The following FUT9 variants were observed in gnomAD, a reference collection of about 807,000 sequenced individuals.
FUT9 encodes 4-galactosyl-N-acetylglucosaminide 3-alpha-L-fucosyltransferase 9.
A neutral mutation model predicts 29.7 loss-of-function variants in FUT9; 15 were observed. That is an observed-to-expected ratio of 0.51 (90% CI 0.34 to 0.78). The LOEUF (loss-of-function observed/expected upper bound fraction) is 0.78. Among genes scored for constraint, FUT9 ranks in the 30% least tolerant of loss-of-function variants. FUT9 has a pLI of 0.01. For missense variants in FUT9, 319 were observed against 425.4 expected (o/e 0.75, Z 2.20); for synonymous variants, 169 against 153.7 (o/e 1.10, Z -0.74).
At chr6:96,112,981 AT>A in intron 1 of FUT9, among the ~76,000 whole-genome samples, 1 of 152,310 alleles carries the variant, frequency 6.6e-6, no homozygotes, top group Non-Finnish European at 1.5e-5. Flanking sequence ...AAAATGACAG[AT>A]GTTTAGGCAA....
In FUT9 at chr6:96,212,531, A is replaced by G. The variant is rs751710257; in HGVS notation, c.*8296A>G. ...TATTTGAGAACAAGATTTTACTTAG[A>G]AGGGAAAAAAAAGAACTTTCAGCTT... On this transcript the variant is annotated 3_prime_UTR_variant, in exon 3 of 3. Transcript: ENST00000302103. The G allele has an allele frequency of 6.7e-5, 27 of 405,320 alleles. No individual in the cohort carries two copies. Among genetic ancestry groups the G allele is most frequent in the Non-Finnish European group, 1.2e-4 (27 of 221,202 alleles). 25.1% of individuals were successfully genotyped at this position (405,320 alleles called of 1,614,324 possible).
At chr6:96,189,365 A>AT (rs10593649) in intron 2 of FUT9, among the ~76,000 whole-genome samples, 4 of 151,390 alleles carry the variant, frequency 2.6e-5, no homozygotes, top group African/African-American at 7.3e-5. Flanking sequence ...GACTTTTAAC[A>AT]TTTTTTTTTT....
At chr6:96,029,883 A>C (rs969661580) in intron 1 of FUT9, among the ~76,000 whole-genome samples, 1 of 151,642 alleles carries the variant, frequency 6.6e-6, no homozygotes, top group African/African-American at 2.4e-5. Context: ...GAAGGTGAGA[A>C]GTGAAAGGAA....
intron 1 of FUT9, among the ~76,000 whole-genome samples, chr6:96,068,530 A>T (rs1423028753): frequency 6.6e-6 from 1 of 152,126 alleles, no homozygotes; most frequent in Non-Finnish European, 1.5e-5. Context: ...AATTAATTTG[A>T]TAATTGAGAC....
At chr6:96,025,097 T>G (rs1471299776) in intron 1 of FUT9, among the ~76,000 whole-genome samples, 1 of 151,856 alleles carries the variant, frequency 6.6e-6, no homozygotes. Context: ...AAAATTCTAA[T>G]GATTCACCTG....
chr6:96,153,215 T>C (rs147187609), intron 2 of FUT9, among the ~76,000 whole-genome samples: 32 of 152,144 alleles, frequency 2.1e-4, no homozygotes, highest in Non-Finnish European at 4.0e-4. Flanking sequence ...GAAATACATA[T>C]AAACAACTTT....
At chr6:96,085,188 C>G (rs1771295694) in intron 1 of FUT9, among the ~76,000 whole-genome samples, 1 of 152,148 alleles carries the variant, frequency 6.6e-6, no homozygotes, top group Non-Finnish European at 1.5e-5. Flanking sequence ...TGGCATAGCT[C>G]AAAGGATGTC....
At chr6:96,020,496 C>T (rs1051234926) in intron 1 of FUT9, among the ~76,000 whole-genome samples, 1 of 151,968 alleles carries the variant, frequency 6.6e-6, no homozygotes, top group South Asian at 2.1e-4. Flanking sequence ...GTTTCAAGCC[C>T]ACAGATGAAA....
chr6:96,052,125 G>A (rs1250044564), intron 1 of FUT9, among the ~76,000 whole-genome samples: 1 of 152,158 alleles, frequency 6.6e-6, no homozygotes, highest in East Asian at 1.9e-4. Context: ...CATGATGGAA[G>A]GAAGGAGAAG....
chr6:96,043,395 G>C (rs1423041477), intron 1 of FUT9, among the ~76,000 whole-genome samples: 2 of 152,180 alleles, frequency 1.3e-5, no homozygotes, highest in Non-Finnish European at 2.9e-5. Flanking sequence ...ATTATTTGAT[G>C]TCAAATGACA....
chr6:96,040,157 A>G (rs1770435884), intron 1 of FUT9, among the ~76,000 whole-genome samples: 1 of 152,184 alleles, frequency 6.6e-6, no homozygotes, highest in Non-Finnish European at 1.5e-5. Context: ...CAGTGATTAT[A>G]AGTGATTGTC....
At chr6:96,043,016 G>A (rs1770491520) in intron 1 of FUT9, among the ~76,000 whole-genome samples, 1 of 152,136 alleles carries the variant, frequency 6.6e-6, no homozygotes, top group South Asian at 2.1e-4. Flanking sequence ...TTTACCTGTG[G>A]TGAGTATTAC....
intron 2 of FUT9, among the ~76,000 whole-genome samples, chr6:96,157,372 T>C (rs1359599463): frequency 6.6e-6 from 1 of 152,208 alleles, no homozygotes; most frequent in African/African-American, 2.4e-5. Flanking sequence ...AGATTCTCTG[T>C]CTTTTCATAA....
intron 1 of FUT9, among the ~76,000 whole-genome samples, chr6:96,042,890 G>A (rs1278197642): frequency 2.0e-5 from 3 of 152,062 alleles, no homozygotes; most frequent in African/African-American, 4.8e-5. Context: ...CCTTTGTGCC[G>A]ATAAACTATG....
chr6:96,049,672 A>G (rs927451980), intron 1 of FUT9, among the ~76,000 whole-genome samples: 1 of 152,228 alleles, frequency 6.6e-6, no homozygotes, highest in Non-Finnish European at 1.5e-5. Context: ...GGAGTGAGAA[A>G]TACAAATTGG....
In FUT9 at chr6:96,134,400, T is replaced by C. The variant is rs141922735; in HGVS notation, c.-9+20273T>C. Among the ~76,000 whole-genome samples the C allele has an allele frequency of 7.2e-5, 11 of 151,950 alleles. No homozygotes were observed. In the East Asian group the frequency reaches 7.7e-4, roughly 11 times the overall value. On this transcript the variant is annotated intron_variant, in intron 2 of 2. Coordinates refer to ENST00000302103, the MANE Select transcript of FUT9 (RefSeq NM_006581.4). ...TTAAGAGCAGTATAATATTCCATTC[T>C]TTGTTTGGATCATAATTTTTTAACC...
chr6:96,112,090 A>G (rs560039336), intron 1 of FUT9, among the ~76,000 whole-genome samples: 4 of 152,304 alleles, frequency 2.6e-5, no homozygotes, highest in African/African-American at 9.6e-5. Context: ...TAGTCTTACA[A>G]ACAACATCCG....
chr6:96,024,655 T>G (rs1770132688), intron 1 of FUT9, among the ~76,000 whole-genome samples: 1 of 151,756 alleles, frequency 6.6e-6, no homozygotes, highest in Non-Finnish European at 1.5e-5. Context: ...GGGCATTAGC[T>G]GCCGCAATAT....
At chr6:96,137,713 TA>T (rs1374809439) in intron 2 of FUT9, among the ~76,000 whole-genome samples, 15 of 151,948 alleles carry the variant, frequency 9.9e-5, no homozygotes, top group Admixed American at 9.8e-4. Flanking sequence ...AGAAAATAAG[TA>T]AAAAAGAAAA....
Sources: gnomAD v4.1 joint callset for allele counts (sites outside exome capture counted in the v4.1 genomes callset) on GRCh38, gnomAD v4.1.1 for gene constraint, MANE v1.5 for transcripts, NCBI Gene and HGNC (gene_info 2026-07-23, HGNC 2026-07-21) for gene names.